The following NRCAM variants were observed in gnomAD, a reference collection of about 807,000 sequenced individuals.
The protein encoded by NRCAM is neuronal cell adhesion molecule.
Under a neutral mutation model 156.5 loss-of-function variants are expected in NRCAM, and 83 were observed. The observed-to-expected ratio is 0.53, with a 90% CI of 0.44 to 0.64. NRCAM has a LOEUF of 0.64. NRCAM is among the 30% of genes least tolerant of loss of function. The pLI is 0.00. For missense variants in NRCAM, 1,417 were observed against 1,597.3 expected (o/e 0.89, Z 1.92); for synonymous variants, 538 against 563.9 (o/e 0.95, Z 0.65).
intron 3 of NRCAM, among the ~76,000 whole-genome samples, chr7:108,299,103 CTCAAAAAAAAAAA>C (rs1283157893): frequency 3.0e-3 from 18 of 6,056 alleles, no homozygotes; most frequent in African/African-American, 5.9e-3. Flanking sequence ...AAGACTCCAT[CTCAAAAAAAAAAA>C]AGAAAGAAAG....
chr7:108,156,266 G>T, intron 32 of NRCAM: 1 of 983,648 alleles, frequency 1.0e-6, no homozygotes, highest in Non-Finnish European at 1.2e-6. Context: ...CAAGATTCAT[G>T]TGGCAAGAGC....
intron 2 of NRCAM, among the ~76,000 whole-genome samples, chr7:108,329,064 T>C (rs993222893): frequency 3.9e-5 from 6 of 152,162 alleles, no homozygotes; most frequent in Non-Finnish European, 7.3e-5. Flanking sequence ...AAGATCTCAG[T>C]AAAAATAAAT....
chr7:108,359,236 A>G (rs1308182318), intron 2 of NRCAM, among the ~76,000 whole-genome samples: 1 of 152,204 alleles, frequency 6.6e-6, no homozygotes, highest in African/African-American at 2.4e-5. Context: ...AGCAGATGTA[A>G]GTCTTGCCTT....
At chr7:108,198,197 A>G (rs1587825398) in intron 13 of NRCAM, 98 bp from the exon 14 acceptor site, 5 of 834,602 alleles carry the variant, frequency 6.0e-6, no homozygotes, top group Admixed American at 2.9e-5. Context: ...AGACTGCTCT[A>G]AGTACATGCA....
chr7:108,217,391 C>T lies in NRCAM; in HGVS notation c.890+6334G>A, dbSNP rs532851268. ...GGAGGTGTCTCCCAGTCAGGAGGCA[C>T]GGGGGTCAGGGACCCACTTGAGGAG... On this transcript the variant is annotated intron_variant, in intron 11 of 32. Coordinates refer to ENST00000379028, the MANE Select transcript of NRCAM (RefSeq NM_001037132.4). Among the ~76,000 whole-genome samples the T allele has an allele frequency of 5.3e-5, 8 of 152,316 alleles. No individual in the cohort carries two copies. In the East Asian group the frequency reaches 7.7e-4, roughly 15 times the overall value.
At chr7:108,340,838 T>A (rs1217815602) in intron 2 of NRCAM, among the ~76,000 whole-genome samples, 1 of 152,174 alleles carries the variant, frequency 6.6e-6, no homozygotes, top group Non-Finnish European at 1.5e-5. Flanking sequence ...AAGGATAAGT[T>A]TATCACTCAG....
At chr7:108,214,848 C>T (rs1161208552) in intron 11 of NRCAM, among the ~76,000 whole-genome samples, 5 of 152,232 alleles carry the variant, frequency 3.3e-5, no homozygotes, top group East Asian at 1.9e-4. Context: ...GCCTTAATTT[C>T]GTTATTTACC....
At chr7:108,273,467 G>A (rs60270927) in intron 3 of NRCAM, among the ~76,000 whole-genome samples, 2,640 of 152,264 alleles carry the variant, frequency 0.017, 81 homozygotes, top group African/African-American at 0.059. Flanking sequence ...GTATCTCATT[G>A]TGGTTTTGAT....
At chr7:108,370,316 G>C (rs1484531010) in intron 2 of NRCAM, among the ~76,000 whole-genome samples, 2 of 152,108 alleles carry the variant, frequency 1.3e-5, no homozygotes, top group Non-Finnish European at 2.9e-5. Flanking sequence ...TATATTTGGA[G>C]GGCTTTCTTT....
intron 3 of NRCAM, among the ~76,000 whole-genome samples, chr7:108,264,794 T>A (rs572484920): frequency 1.2e-4 from 19 of 152,334 alleles, no homozygotes; most frequent in Non-Finnish European, 8.8e-5. Context: ...TCTTATTAAT[T>A]GACCTCGTTG....
At chr7:108,210,243 G>GTTTTTTTT (rs201295525) in intron 11 of NRCAM, among the ~76,000 whole-genome samples, 1 of 149,606 alleles carries the variant, frequency 6.7e-6, no homozygotes, top group African/African-American at 2.5e-5. Context: ...GTCACCCAAT[G>GTTTTTTTT]TTTTGTTTTG....
intron 2 of NRCAM, among the ~76,000 whole-genome samples, chr7:108,332,273 G>A (rs1323690812): frequency 2.6e-5 from 4 of 152,312 alleles, no homozygotes; most frequent in Middle Eastern, 3.4e-3. Flanking sequence ...ATTCTAGAAA[G>A]GCATCATGAT....
chr7:108,322,104 G>A (rs1387862644), intron 2 of NRCAM, among the ~76,000 whole-genome samples: 1 of 151,942 alleles, frequency 6.6e-6, no homozygotes, highest in African/African-American at 2.4e-5. Context: ...GATGAAATGA[G>A]GAGAAGTTTT....
intron 1 of NRCAM, among the ~76,000 whole-genome samples, chr7:108,455,469 G>A (rs189683007): frequency 2.0e-5 from 3 of 152,108 alleles, no homozygotes; most frequent in African/African-American, 7.2e-5. Context: ...CCCCCAGCCC[G>A]GTGCGCCGGC....
chr7:108,337,101 TAAAAACAG>T (rs748245919), intron 2 of NRCAM, among the ~76,000 whole-genome samples: 2 of 151,838 alleles, frequency 1.3e-5, no homozygotes, highest in Non-Finnish European at 2.9e-5. Context: ...CCATCTCTAC[TAAAAACAG>T]AAAAATTAGC....
intron 2 of NRCAM, among the ~76,000 whole-genome samples, chr7:108,391,249 G>T (rs1465452848): frequency 2.6e-5 from 4 of 152,014 alleles, no homozygotes; most frequent in Admixed American, 6.6e-5. Context: ...TTATGAATCT[G>T]GGTGCTCCTG....
intron 1 of NRCAM, among the ~76,000 whole-genome samples, chr7:108,438,772 A>C (rs1835141736): frequency 6.6e-6 from 1 of 152,192 alleles, no homozygotes; most frequent in Admixed American, 6.5e-5. Flanking sequence ...GACTACTAGA[A>C]TTAATAAACA....
chr7:108,283,520 C>G (rs1446466127), intron 3 of NRCAM, among the ~76,000 whole-genome samples: 1 of 152,152 alleles, frequency 6.6e-6, no homozygotes, highest in Admixed American at 6.5e-5. Context: ...ATGAGGGGCA[C>G]ACGTGGGAAA....
chr7:108,430,942 T>C (rs887082560), intron 1 of NRCAM, among the ~76,000 whole-genome samples: 2 of 152,154 alleles, frequency 1.3e-5, no homozygotes, highest in African/African-American at 4.8e-5. Context: ...CTCTTTCTTC[T>C]GAACTGAAAA....
Sources: gnomAD v4.1 joint callset for allele counts (sites outside exome capture counted in the v4.1 genomes callset) on GRCh38, gnomAD v4.1.1 for gene constraint, MANE v1.5 for transcripts, NCBI Gene and HGNC (gene_info 2026-07-23, HGNC 2026-07-21) for gene names.